Variants in BCAS3 observed in about 807,000 individuals in gnomAD.
BCAS3 encodes the protein BCAS3 microtubule associated cell migration factor.
BCAS3 carries 53 observed loss-of-function variants against 116.1 expected under a neutral mutation model. The ratio of observed to expected loss-of-function variants is 0.46; its 90% CI spans 0.37 to 0.57. The LOEUF (loss-of-function observed/expected upper bound fraction) is 0.57. BCAS3 is among the 20% of genes least tolerant of loss of function. BCAS3 has a pLI of 0.00. For synonymous variants in BCAS3, 391 were observed against 408.2 expected (o/e 0.96, Z 0.51); for missense variants, 917 against 1,165.4 (o/e 0.79, Z 3.10).
At chr17:60,845,464 A>G (rs757516785) in intron 7 of BCAS3, among the ~76,000 whole-genome samples, 2 of 152,180 alleles carry the variant, frequency 1.3e-5, no homozygotes, top group Non-Finnish European at 2.9e-5. Context: ...CAAGGGATAA[A>G]TTCCCATTGC....
At chr17:60,978,212 T>C (rs1600170014) in intron 14 of BCAS3, among the ~76,000 whole-genome samples, 1 of 130,222 alleles carries the variant, frequency 7.7e-6, no homozygotes, top group Admixed American at 7.2e-5. Flanking sequence ...TGTGAGATGG[T>C]ATCTCATTGT....
chr17:60,964,806 A>G lies in BCAS3; in HGVS notation c.1221+17454A>G, dbSNP rs1217432625. ...TTCCAGAAATTTATCCATTTCTTCT[A>G]GGTTTTCCAGTTTGTTGGTATATAA... is the stretch of plus-strand genomic sequence containing the variant. On this transcript the variant is annotated intron_variant, in intron 14 of 23. Coordinates refer to ENST00000407086, the MANE Select transcript of BCAS3 (RefSeq NM_017679.5). This position sits in a 1 kb window ranked among gnomAD's most constrained non-coding sequence, Gnocchi z 4.6. 6.6e-6 allele frequency among the ~76,000 whole-genome samples: 1 copy of G among 152,036 alleles called. No individual in the cohort carries two copies. Among genetic ancestry groups the G allele is most frequent in the Non-Finnish European group, 1.5e-5 (1 of 67,994 alleles).
chr17:60,965,687 T>C (rs2061623960), intron 14 of BCAS3, among the ~76,000 whole-genome samples: 1 of 152,224 alleles, frequency 6.6e-6, no homozygotes, highest in Non-Finnish European at 1.5e-5. Context: ...CTAGTTTTAG[T>C]CCATTGTGGC....
chr17:61,191,724 G>C (rs757339938), intron 22 of BCAS3, among the ~76,000 whole-genome samples: 1 of 150,270 alleles, frequency 6.7e-6, no homozygotes, highest in African/African-American at 2.5e-5. Flanking sequence ...GCTGTGAGCC[G>C]AGATCGCACC....
In BCAS3 at chr17:61,247,626, A is replaced by C. The variant is rs1602171822; in HGVS notation, c.2426-120701A>C. Reference sequence around the variant, plus strand: ...GCAAGAGCAGCATTGACCATGTGCCAAGTCCCTTATTGCCGACCACAGCTG... The same window carrying C: ...GCAAGAGCAGCATTGACCATGTGCCCAGTCCCTTATTGCCGACCACAGCTG... On this transcript the variant is annotated intron_variant, in intron 22 of 23. Coordinates refer to ENST00000407086, the MANE Select transcript of BCAS3 (RefSeq NM_017679.5). Among the ~76,000 whole-genome samples, 4 of 152,310 alleles carry C rather than the reference A, an allele frequency of 2.6e-5. No individual in the cohort carries two copies. The South Asian group carries it at 8.3e-4, about 32-fold the overall frequency.
intron 22 of BCAS3, among the ~76,000 whole-genome samples, chr17:61,330,172 T>A (rs903715547): frequency 6.6e-6 from 1 of 152,142 alleles, no homozygotes; most frequent in Non-Finnish European, 1.5e-5. Context: ...AGAGTAGGTT[T>A]TTTATTTCTT....
chr17:61,292,008 A>T (rs1234565140), intron 22 of BCAS3, among the ~76,000 whole-genome samples: 1 of 152,180 alleles, frequency 6.6e-6, no homozygotes, highest in Non-Finnish European at 1.5e-5. Flanking sequence ...AGGAGAGAAC[A>T]ACTCTATAAA....
intron 22 of BCAS3, among the ~76,000 whole-genome samples, chr17:61,231,688 G>A (rs776029970): frequency 5.9e-5 from 9 of 151,900 alleles, no homozygotes; most frequent in Non-Finnish European, 1.2e-4. Flanking sequence ...ATCAGCCTGG[G>A]CAACATAGCA....
In BCAS3 at chr17:61,376,179, TTA is replaced by T. The variant is rs2059330722; in HGVS notation, c.2593+7687_2593+7688del. Reference sequence around the variant, plus strand: ...GCTGGAGAAGTGACATTTACATGTGTTATGTGGGCCTCTCAGGTCCCTTTCCC... The same window carrying T: ...GCTGGAGAAGTGACATTTACATGTGTTGTGGGCCTCTCAGGTCCCTTTCCC... On this transcript the variant is annotated intron_variant, in intron 23 of 23. Transcript: ENST00000407086. The surrounding 1 kb of genome is among the most constrained non-coding windows in gnomAD (Gnocchi z 4.5). Among the ~76,000 whole-genome samples, 2 of 152,172 alleles carry T rather than the reference TTA, an allele frequency of 1.3e-5. No homozygotes were observed.
chr17:60,913,274 T>C (rs562833765), intron 12 of BCAS3, among the ~76,000 whole-genome samples: 5 of 152,232 alleles, frequency 3.3e-5, no homozygotes, highest in South Asian at 4.1e-4. Context: ...CCTTTTCTGT[T>C]ACTGGTTAGT....
At chr17:60,779,224 T>C (rs958752395) in intron 6 of BCAS3, among the ~76,000 whole-genome samples, 2 of 152,220 alleles carry the variant, frequency 1.3e-5, no homozygotes, top group Non-Finnish European at 2.9e-5. Context: ...TCAGAACTTT[T>C]TGAGTGCTGA....
At chr17:61,152,336 T>C (rs2077586286) in intron 22 of BCAS3, among the ~76,000 whole-genome samples, 1 of 152,138 alleles carries the variant, frequency 6.6e-6, no homozygotes, top group Admixed American at 6.5e-5. Context: ...GATTGGTGTG[T>C]TTTACAGAGC....
At chr17:60,799,170 A>G (rs967439369) in intron 6 of BCAS3, among the ~76,000 whole-genome samples, 2 of 152,190 alleles carry the variant, frequency 1.3e-5, no homozygotes, top group Admixed American at 6.5e-5. Context: ...AAAATTATTT[A>G]ATATTAAAGA....
chr17:60,786,246 G>A, intron 6 of BCAS3, among the ~76,000 whole-genome samples: 1 of 152,180 alleles, frequency 6.6e-6, no homozygotes, highest in Non-Finnish European at 1.5e-5. Context: ...GGATAGTTCA[G>A]TTGGTAGAGC....
intron 22 of BCAS3, among the ~76,000 whole-genome samples, chr17:61,271,314 A>T (rs1016512103): frequency 7.3e-6 from 1 of 137,364 alleles, no homozygotes; most frequent in African/African-American, 2.7e-5. Flanking sequence ...TTTTTAGTAG[A>T]GATGGGTTTC....
At chr17:60,938,140 A>T (rs1416955600) in intron 13 of BCAS3, among the ~76,000 whole-genome samples, 1 of 152,106 alleles carries the variant, frequency 6.6e-6, no homozygotes, top group Non-Finnish European at 1.5e-5. Context: ...GTGATCCGCC[A>T]GCCTTGGCCT....
At chr17:61,039,570 T>C (rs895922923) in intron 18 of BCAS3, among the ~76,000 whole-genome samples, 2 of 152,088 alleles carry the variant, frequency 1.3e-5, no homozygotes, top group Non-Finnish European at 2.9e-5. Context: ...CTACAGGCAC[T>C]AGCCACCACG....
chr17:61,329,343 A>ATTATTT (rs1555831750), intron 22 of BCAS3, among the ~76,000 whole-genome samples: 2 of 131,270 alleles, frequency 1.5e-5, no homozygotes, highest in African/African-American at 5.9e-5. Context: ...TATTATTATT[A>ATTATTT]TTTTTTTTTT....
intron 6 of BCAS3, among the ~76,000 whole-genome samples, chr17:60,774,430 G>A (rs1261479700): frequency 6.6e-6 from 1 of 152,142 alleles, no homozygotes; most frequent in Non-Finnish European, 1.5e-5. Context: ...ATTTGATTCT[G>A]TTGATTGATT....
Sources: gnomAD v4.1 joint callset for allele counts (sites outside exome capture counted in the v4.1 genomes callset) on GRCh38, gnomAD v4.1.1 for gene constraint, Gnocchi (gnomAD v3.1) non-coding constraint, MANE v1.5 for transcripts, NCBI Gene and HGNC (gene_info 2026-07-23, HGNC 2026-07-21) for gene names.